HS2ST1: variants seen among roughly 807,000 people sequenced by gnomAD.
HS2ST1 encodes the protein heparan sulfate 2-O-sulfotransferase 1.
In HS2ST1, 18 loss-of-function variants were observed where a neutral mutation model predicts 42.9. The observed-to-expected ratio is 0.42, with a 90% CI of 0.29 to 0.62. The LOEUF (loss-of-function observed/expected upper bound fraction) is 0.62. Ranked by LOEUF, HS2ST1 falls within the 20% of genes least tolerant of loss-of-function variation. The probability of loss-of-function intolerance (pLI) is 0.21; values close to 1 mark genes in which losing one functional copy is unlikely to be tolerated. For missense variants in HS2ST1, 334 were observed against 433.8 expected, an observed-to-expected ratio of 0.77 and a Z score of 2.04; for synonymous variants, 146 against 152.9, an observed-to-expected ratio of 0.95 and a Z score of 0.33.
At chr1:86,940,238 G>A (rs1320817872) in intron 1 of HS2ST1, among the ~76,000 whole-genome samples, 2 of 152,138 alleles carry the variant, frequency 1.3e-5, no homozygotes, top group African/African-American at 4.8e-5. Flanking sequence ...GCCAGGCATG[G>A]TGGTGTGTGC....
chr1:87,037,497 TC>T (rs1261037179), intron 1 of HS2ST1, among the ~76,000 whole-genome samples: 1 of 151,832 alleles, frequency 6.6e-6, no homozygotes, highest in Non-Finnish European at 1.5e-5. Flanking sequence ...AAAGGTTATG[TC>T]AGAATTATCA....
chr1:87,051,335 T>C (rs887684251), intron 1 of HS2ST1, among the ~76,000 whole-genome samples: 5 of 152,118 alleles, frequency 3.3e-5, no homozygotes, highest in Non-Finnish European at 2.9e-5. Context: ...TAACTCACAA[T>C]AGAACAAACA....
intron 1 of HS2ST1, among the ~76,000 whole-genome samples, chr1:87,060,557 C>A (rs1432333009): frequency 6.6e-6 from 1 of 152,070 alleles, no homozygotes; most frequent in Non-Finnish European, 1.5e-5. Context: ...TTCTGCCTCT[C>A]ATGATATGAT....
intron 4 of HS2ST1, among the ~76,000 whole-genome samples, chr1:87,096,808 A>G (rs921341722): frequency 6.6e-5 from 10 of 152,366 alleles, no homozygotes; most frequent in East Asian, 5.8e-4. Context: ...AGTGACAGGC[A>G]TAATTTATTC....
chr1:87,048,033 A>G (rs1650731868), intron 1 of HS2ST1, among the ~76,000 whole-genome samples: 1 of 152,156 alleles, frequency 6.6e-6, no homozygotes, highest in Non-Finnish European at 1.5e-5. Flanking sequence ...GAGAATTGAC[A>G]TCTTAACAGT....
intron 1 of HS2ST1, among the ~76,000 whole-genome samples, chr1:86,948,675 T>C (rs1383969890): frequency 6.6e-6 from 1 of 152,218 alleles, no homozygotes; most frequent in African/African-American, 2.4e-5. Flanking sequence ...ATTAGAATAG[T>C]AAAGGTGTTG....
intron 1 of HS2ST1, among the ~76,000 whole-genome samples, chr1:86,961,980 A>G (rs1212839052): frequency 1.3e-5 from 2 of 152,148 alleles, no homozygotes; most frequent in East Asian, 1.9e-4. Flanking sequence ...ATATGTATGT[A>G]ACTGTTCACC....
intron 1 of HS2ST1, among the ~76,000 whole-genome samples, chr1:87,014,486 G>A (rs1269720976): frequency 6.6e-6 from 1 of 152,158 alleles, no homozygotes; most frequent in Non-Finnish European, 1.5e-5. Flanking sequence ...AGATGTGATT[G>A]GCACACAGCC....
intron 1 of HS2ST1, among the ~76,000 whole-genome samples, chr1:86,992,523 C>T (rs765028836): frequency 1.3e-5 from 2 of 152,018 alleles, no homozygotes; most frequent in Admixed American, 6.5e-5. Context: ...TGCGCCACCA[C>T]GCCTGGCTAA....
intron 1 of HS2ST1, among the ~76,000 whole-genome samples, chr1:87,021,880 A>G (rs1385586766): frequency 6.6e-6 from 1 of 152,216 alleles, no homozygotes; most frequent in African/African-American, 2.4e-5. Context: ...ATACATTTCA[A>G]CCAAAAGTTT....
At chr1:86,929,905 G>A (rs1660509054) in intron 1 of HS2ST1, among the ~76,000 whole-genome samples, 1 of 151,820 alleles carries the variant, frequency 6.6e-6, no homozygotes, top group Non-Finnish European at 1.5e-5. Context: ...ATACAGAACA[G>A]TATAGGCTGT....
intron 1 of HS2ST1, among the ~76,000 whole-genome samples, chr1:87,055,748 T>C (rs952758554): frequency 1.3e-5 from 2 of 152,210 alleles, no homozygotes; most frequent in Non-Finnish European, 1.5e-5. Flanking sequence ...TTTGTCCTTA[T>C]GGTAAAAAGC....
intron 2 of HS2ST1, among the ~76,000 whole-genome samples, 179 bp from the exon 3 acceptor site, chr1:87,084,015 G>C (rs1340069575): frequency 6.6e-6 from 1 of 152,126 alleles, no homozygotes; most frequent in African/African-American, 2.4e-5. Flanking sequence ...GATAGTAGCT[G>C]TCTCTATGAT....
intron 1 of HS2ST1, among the ~76,000 whole-genome samples, chr1:86,922,409 GTTC>G (rs1440853910): frequency 6.8e-6 from 1 of 147,812 alleles, no homozygotes; most frequent in Non-Finnish European, 1.5e-5. Context: ...CATTCCCAGT[GTTC>G]TTCATTTTGT....
chr1:86,939,347 G>T (rs976894330), intron 1 of HS2ST1, among the ~76,000 whole-genome samples: 25 of 152,090 alleles, frequency 1.6e-4, no homozygotes, highest in African/African-American at 5.8e-4. Flanking sequence ...TATTCAATTT[G>T]CTGTGGATTT....
chr1:87,016,058 G>A (rs916521751), intron 1 of HS2ST1, among the ~76,000 whole-genome samples: 2 of 151,920 alleles, frequency 1.3e-5, no homozygotes, highest in African/African-American at 2.4e-5. Context: ...CTCATGATCC[G>A]CCAACCTCGG....
At chr1:86,973,702 G>A (rs780316902) in intron 1 of HS2ST1, among the ~76,000 whole-genome samples, 128 of 152,098 alleles carry the variant, frequency 8.4e-4, no homozygotes, top group Non-Finnish European at 1.5e-3. Flanking sequence ...AAACCTTATA[G>A]TGTACATTTG....
intron 1 of HS2ST1, among the ~76,000 whole-genome samples, chr1:87,014,848 A>C (rs1649703935): frequency 6.6e-6 from 1 of 152,214 alleles, no homozygotes; most frequent in Non-Finnish European, 1.5e-5. Flanking sequence ...CATTTATCTT[A>C]TCCTCCTCAC....
chr1:86,963,045 AG>A (rs769107680), intron 1 of HS2ST1, among the ~76,000 whole-genome samples: 24 of 152,308 alleles, frequency 1.6e-4, no homozygotes, highest in South Asian at 8.3e-4. Flanking sequence ...AGCTAAAAGC[AG>A]GGGGCTAATT....
Sources: allele counts gnomAD v4.1 joint callset (sites outside exome capture counted in the v4.1 genomes callset), GRCh38; gene constraint gnomAD v4.1.1; transcripts MANE v1.5; gene names NCBI Gene and HGNC (gene_info 2026-07-23, HGNC 2026-07-21).